TRPS1: variants seen among roughly 807,000 people sequenced by gnomAD.
TRPS1 encodes the protein transcriptional repressor GATA binding 1.
Under a neutral mutation model 101.2 loss-of-function variants are expected in TRPS1, and 6 were observed. The observed-to-expected ratio is 0.06, with a 90% CI of 0.03 to 0.12. The LOEUF is 0.12. Ranked by LOEUF, TRPS1 falls within the 10% of genes least tolerant of loss-of-function variation. The pLI is 1.00. For missense variants in TRPS1, 1,363 were observed against 1,567.0 expected (o/e 0.87, Z 2.20); for synonymous variants, 578 against 589.8 (o/e 0.98, Z 0.29).
chr8:115,443,013 G>C (rs1329261684), intron 5 of TRPS1, among the ~76,000 whole-genome samples: 2 of 151,824 alleles, frequency 1.3e-5, no homozygotes, highest in Non-Finnish European at 2.9e-5. Flanking sequence ...GGAGAATGGC[G>C]TGAACTTGGG....
At chr8:115,601,848 T>C (rs1278607358) in intron 4 of TRPS1, among the ~76,000 whole-genome samples, 4 of 152,172 alleles carry the variant, frequency 2.6e-5, no homozygotes, top group African/African-American at 9.7e-5. Context: ...AAGATACTCA[T>C]TGAACTCCCA....
At chr8:115,503,400 TTAAGAC>T (rs1404673341) in intron 5 of TRPS1, among the ~76,000 whole-genome samples, 2 of 152,110 alleles carry the variant, frequency 1.3e-5, no homozygotes, top group African/African-American at 4.8e-5. Context: ...AAGAAAAAGT[TTAAGAC>T]TAGGCATAAA....
chr8:115,649,709 G>A (rs148037919), intron 1 of TRPS1, among the ~76,000 whole-genome samples: 1 of 152,300 alleles, frequency 6.6e-6, no homozygotes, highest in African/African-American at 2.4e-5. Context: ...ATTACTACAC[G>A]CAGCTCATTT....
At chr8:115,607,805 T>C (rs1040245719) in intron 3 of TRPS1, among the ~76,000 whole-genome samples, 19 of 152,122 alleles carry the variant, frequency 1.2e-4, no homozygotes, top group African/African-American at 4.3e-4. Flanking sequence ...TTTTATACTT[T>C]CTATACTGGT....
rs1158006345 is a variant in TRPS1, at chr8:115,411,064, C to G, written c.*2959G>C. 6.6e-6 allele frequency: 1 copy of G among 151,676 alleles called. No individual in the cohort carries two copies. Among genetic ancestry groups the G allele is most frequent in the Admixed American group, 6.6e-5 (1 of 15,210 alleles). The allele number at this position is 151,676 out of a possible 1,614,324, so 9.4% of individuals were successfully genotyped here. On this transcript the variant is annotated 3_prime_UTR_variant, in exon 7 of 7. Coordinates refer to ENST00000395715, the MANE Select transcript of TRPS1 (RefSeq NM_014112.5). ...GTTTAGTGTTATAATAAATTTTTGT[C>G]TCTTTCAAAAAAGCCCAACCTCTTC...
intron 5 of TRPS1, among the ~76,000 whole-genome samples, chr8:115,534,485 C>A (rs934171599): frequency 3.3e-5 from 5 of 152,226 alleles, no homozygotes; most frequent in African/African-American, 1.2e-4. Context: ...GAGGTTGAAG[C>A]TCTAACCTCA....
chr8:115,424,563 C>T (rs1238941849), intron 5 of TRPS1, among the ~76,000 whole-genome samples: 1 of 152,192 alleles, frequency 6.6e-6, no homozygotes, highest in African/African-American at 2.4e-5. Context: ...AGAAATTGTT[C>T]ATGAACATTG....
chr8:115,595,267 A>T (rs1244768165), intron 4 of TRPS1, among the ~76,000 whole-genome samples: 1 of 151,986 alleles, frequency 6.6e-6, no homozygotes, highest in East Asian at 1.9e-4. Flanking sequence ...AATGTCTACA[A>T]TGAGTGGCAT....
chr8:115,424,482 C>T (rs1430524071), intron 5 of TRPS1, among the ~76,000 whole-genome samples: 1 of 152,198 alleles, frequency 6.6e-6, no homozygotes, highest in Non-Finnish European at 1.5e-5. Flanking sequence ...CAAACATGGT[C>T]TGTAATCTTG....
At chr8:115,487,245 C>G (rs1031608607) in intron 5 of TRPS1, among the ~76,000 whole-genome samples, 1 of 147,788 alleles carries the variant, frequency 6.8e-6, no homozygotes, top group Non-Finnish European at 1.5e-5. Context: ...ATTGTTGAGA[C>G]CTACTTCTCA....
chr8:115,576,460 T>C (rs909457240), intron 5 of TRPS1, among the ~76,000 whole-genome samples: 12 of 152,040 alleles, frequency 7.9e-5, no homozygotes, highest in Non-Finnish European at 1.8e-4. Flanking sequence ...ACTCTGCAAT[T>C]GTAAAGAGAT....
intron 5 of TRPS1, among the ~76,000 whole-genome samples, chr8:115,529,959 T>C (rs750676721): frequency 2.6e-5 from 4 of 152,062 alleles, no homozygotes; most frequent in Non-Finnish European, 5.9e-5. Context: ...ATGGCAGAGA[T>C]GCATTAAATG....
intron 5 of TRPS1, among the ~76,000 whole-genome samples, chr8:115,533,444 T>TTTTTGTTTTG (rs1554583389): frequency 1.6e-5 from 2 of 126,536 alleles, no homozygotes; most frequent in African/African-American, 6.8e-5. Flanking sequence ...CTGTTTTTTT[T>TTTTTGTTTTG]TTTTTTTTTT....
intron 5 of TRPS1, among the ~76,000 whole-genome samples, chr8:115,498,883 C>A (rs1815233438): frequency 6.6e-6 from 1 of 152,080 alleles, no homozygotes. Context: ...CTGTTTCTAT[C>A]ACAGGGCAGC....
At chr8:115,465,447 A>G (rs917855436) in intron 5 of TRPS1, among the ~76,000 whole-genome samples, 1 of 152,122 alleles carries the variant, frequency 6.6e-6, no homozygotes, top group African/African-American at 2.4e-5. Context: ...ATTCCAAAAC[A>G]CTAGGGACAG....
rs372605816 is a variant in TRPS1 at position 115,414,495 on chromosome 8, G to A, written c.3413C>T (p.Pro1138Leu). 27 of 1,613,702 alleles carry A rather than the reference G, an allele frequency of 1.7e-5. No homozygotes were observed. Among genetic ancestry groups the A allele is most frequent in the African/African-American group, 5.3e-5 (4 of 74,858 alleles). ...SKYKLSVPGN[P>L]HYLSHVPGLP... The stretch of plus-strand genomic sequence containing the variant: ...GCCAGGCACGTGACTCAAGTAGTGC[G>A]GATTCCCAGGAACGGAGAGCTTATA... The change falls in exon 7 of 7, where the codon CCG (proline) becomes CTG (leucine). Residue 1138 changes from proline to leucine, a missense_variant. By Grantham distance (98) the Pro-to-Leu change is moderately conservative. Transcript: ENST00000395715. This position sits in a 1 kb window ranked among gnomAD's most constrained non-coding sequence, Gnocchi z 4.8.
chr8:115,592,790 T>A (rs1046020718), intron 4 of TRPS1, among the ~76,000 whole-genome samples: 6 of 152,188 alleles, frequency 3.9e-5, no homozygotes, highest in Non-Finnish European at 7.3e-5. Context: ...TCTAATATTC[T>A]GTGTTTCTTC....
intron 1 of TRPS1, among the ~76,000 whole-genome samples, chr8:115,666,001 T>C (rs1811912680): frequency 6.6e-6 from 1 of 152,182 alleles, no homozygotes; most frequent in Non-Finnish European, 1.5e-5. Context: ...AGAGTACTAA[T>C]GAAGCTTCAG....
intron 1 of TRPS1, among the ~76,000 whole-genome samples, chr8:115,641,999 G>C (rs1818909795): frequency 6.6e-6 from 1 of 152,080 alleles, no homozygotes; most frequent in Admixed American, 6.6e-5. Context: ...AATTCCTTGA[G>C]GCCAGGAGTT....
Sources: allele counts gnomAD v4.1 joint callset (sites outside exome capture counted in the v4.1 genomes callset), GRCh38; gene constraint gnomAD v4.1.1; non-coding constraint Gnocchi (gnomAD v3.1); transcripts MANE v1.5; gene names NCBI Gene and HGNC (gene_info 2026-07-23, HGNC 2026-07-21).